The following C2orf80 variants were observed in gnomAD, a reference collection of about 807,000 sequenced individuals.
C2orf80 encodes the protein chromosome 2 open reading frame 80.
A neutral mutation model predicts 30.2 loss-of-function variants in C2orf80; 28 were observed. The observed-to-expected ratio is 0.93, with a 90% CI of 0.69 to 1.27. C2orf80 has a LOEUF of 1.27. Ranked by LOEUF, C2orf80 falls within the 50% of genes most tolerant of loss-of-function variation. C2orf80 has a pLI of 0.00. For missense variants in C2orf80, 220 were observed against 231.0 expected (o/e 0.95, Z 0.31); for synonymous variants, 80 against 76.4 (o/e 1.05, Z -0.24).
chr2:208,176,644 G>A (rs73065236), intron 6 of C2orf80, among the ~76,000 whole-genome samples: 1,869 of 151,888 alleles, frequency 0.012, 42 homozygotes, highest in African/African-American at 0.042. Flanking sequence ...AAACACTAAG[G>A]GCTTCACTGA....
At position 208,190,014 on chromosome 2, in the gene C2orf80, T is replaced by G; in HGVS notation, c.-137A>C. On this transcript the variant is annotated 5_prime_UTR_variant, in exon 1 of 9. It removes an upstream start codon present in the reference 5' UTR. Transcript: ENST00000341287. Reference sequence around the variant, plus strand: ...CTGCTTCTGGAGGCATGCTGAAGCATCCGCGCATCTCAGACTGGTGCTCAC... The same window carrying G: ...CTGCTTCTGGAGGCATGCTGAAGCAGCCGCGCATCTCAGACTGGTGCTCAC... The G allele has an allele frequency of 1.4e-6, 1 of 702,954 alleles. No homozygotes were observed. The highest frequency in any genetic ancestry group is 2.0e-5 in the Admixed American group (1 of 50,002). 43.5% of individuals were successfully genotyped at this position (702,954 alleles called of 1,614,324 possible).
chr2:208,184,902 A>G lies in C2orf80; in HGVS notation c.123+49T>C, dbSNP rs770123460. On this transcript the variant is annotated intron_variant, in intron 3 of 8. Transcript: ENST00000341287. ...AATAAGATCCTTTTTCTGTCTCTTT[A>G]ATACACATATAACACAAATATGACT... 3.5e-6 allele frequency: 5 copies of G among 1,441,030 alleles called. No homozygotes were observed. In the Admixed American group the frequency reaches 5.0e-5, roughly 15 times the overall value. 89.3% of individuals were successfully genotyped at this position (1,441,030 alleles called of 1,614,324 possible). A position where few individuals can be genotyped will look rare whatever the true frequency, so the allele number is the denominator to read the frequency against.
intron 8 of C2orf80, among the ~76,000 whole-genome samples, chr2:208,167,024 A>G (rs925807403): frequency 4.6e-5 from 7 of 152,146 alleles, no homozygotes; most frequent in South Asian, 2.1e-4. Flanking sequence ...GGTAGGTACT[A>G]TTATGACTTT....
intron 4 of C2orf80, among the ~76,000 whole-genome samples, chr2:208,182,004 A>G (rs1043790155): frequency 6.6e-6 from 1 of 152,150 alleles, no homozygotes; most frequent in African/African-American, 2.4e-5. Context: ...TTTTTTGCTT[A>G]AGGCTGTTCA....
intron 2 of C2orf80, among the ~76,000 whole-genome samples, chr2:208,186,707 C>T (rs755133279): frequency 2.0e-5 from 3 of 152,122 alleles, no homozygotes; most frequent in Non-Finnish European, 4.4e-5. Context: ...GTGGATGCCT[C>T]GGATGTGCAG....
chr2:208,182,752 A>G lies in C2orf80; in HGVS notation c.206+213T>C, dbSNP rs116601353. 4.8e-3 allele frequency among the ~76,000 whole-genome samples: 726 copies of G among 152,340 alleles called. 7 individuals carry two copies. The highest frequency in any genetic ancestry group is 0.015 in the African/African-American group (639 of 41,586). ...AAAGTCTTTCATCTCACTGAAGTCAATTAGTATAGAGATGCAAAACATGGA... is the reference window on the plus strand; with the variant it reads ...AAAGTCTTTCATCTCACTGAAGTCAGTTAGTATAGAGATGCAAAACATGGA... On this transcript the variant is annotated intron_variant, in intron 4 of 8. Transcript: ENST00000341287.
At chr2:208,181,776 T>C (rs1486863354) in intron 4 of C2orf80, among the ~76,000 whole-genome samples, 1 of 151,894 alleles carries the variant, frequency 6.6e-6, no homozygotes, top group Non-Finnish European at 1.5e-5. Flanking sequence ...ACAAGCCAGG[T>C]AACAGCCACT....
At chr2:208,166,648 G>C (rs1695901873) in intron 8 of C2orf80, among the ~76,000 whole-genome samples, 1 of 151,908 alleles carries the variant, frequency 6.6e-6, no homozygotes. Context: ...GCTTGCCACT[G>C]TCCTGACACT....
Position 208,180,770 on chromosome 2 carries a change from G to T in C2orf80, c.341C>A (p.Ser114Tyr), listed in dbSNP as rs1013781037. The T allele has an allele frequency of 2.5e-6, 4 of 1,613,500 alleles. No homozygotes were observed. The highest frequency in any genetic ancestry group is 2.7e-5 in the African/African-American group (2 of 74,892). ...EEVFKIYGAD[S>Y]SADSGTIKVP... is the part of the protein sequence containing the mutation. ...CTTGATGGTACCAGAATCGGCAGAAGAATCAGCCCCATAAATTTTAAAGAC... is the reference window on the plus strand; with the variant it reads ...CTTGATGGTACCAGAATCGGCAGAATAATCAGCCCCATAAATTTTAAAGAC... The change falls in exon 6 of 9, where the codon TCT becomes TAT. Residue 114 changes from serine to tyrosine, a missense_variant. Physicochemically the swap from Ser to Tyr is moderately radical, Grantham distance 144. Transcript: ENST00000341287.
chr2:208,189,860 T>A (rs1696824437), intron 1 of C2orf80, 93 bp downstream of exon 1: 1 of 691,100 alleles, frequency 1.4e-6, no homozygotes, highest in Non-Finnish European at 2.6e-6. Context: ...CCATGCAGGT[T>A]CCCTGCTGCA....
intron 8 of C2orf80, among the ~76,000 whole-genome samples, chr2:208,167,607 C>T (rs989116575): frequency 6.6e-6 from 1 of 152,042 alleles, no homozygotes; most frequent in African/African-American, 2.4e-5. Context: ...GACAGAGTCT[C>T]GCTCTGTTGC....
rs200790495 is a variant in C2orf80, at chr2:208,165,620, G to A, written c.*187C>T. The A allele has an allele frequency of 1.8e-6, 1 of 568,906 alleles. No homozygotes were observed. Among genetic ancestry groups the A allele is most frequent in the South Asian group, 3.0e-5 (1 of 33,682 alleles). 35.2% of individuals were successfully genotyped at this position (568,906 alleles called of 1,614,324 possible). On this transcript the variant is annotated 3_prime_UTR_variant, in exon 9 of 9. Transcript: ENST00000341287. Reference sequence around the variant, plus strand: ...ATAAGGTCACAGTTTTTTTTTTTAAGAAAATGTAGCCATGCAATATGCTTC... The same window carrying A: ...ATAAGGTCACAGTTTTTTTTTTTAAAAAAATGTAGCCATGCAATATGCTTC...
intron 6 of C2orf80, among the ~76,000 whole-genome samples, chr2:208,177,007 A>G (rs1559340785): frequency 5.9e-3 from 333 of 56,582 alleles, no homozygotes; most frequent in African/African-American, 0.015. Context: ...ATATATACAT[A>G]TATACAGATA....
At chr2:208,176,937 ATATC>A (rs1400555512) in intron 6 of C2orf80, among the ~76,000 whole-genome samples, 2 of 89,206 alleles carry the variant, frequency 2.2e-5, no homozygotes, top group African/African-American at 9.7e-5. Context: ...ATATGTATAC[ATATC>A]TGTATACATA....
chr2:208,180,916 C>T (rs531659193), intron 5 of C2orf80, 100 bp from the exon 6 acceptor site: 1 of 1,023,480 alleles, frequency 9.8e-7, no homozygotes, highest in East Asian at 2.5e-5. Context: ...TAAAACTGTG[C>T]TTGGGTATCA....
In C2orf80 at chr2:208,181,282, G is replaced by C; in HGVS notation, c.230C>G (p.Pro77Arg). 1 of 1,609,714 alleles carries C rather than the reference G, an allele frequency of 6.2e-7. No homozygotes were observed. The highest frequency in any genetic ancestry group is 8.5e-7 in the Non-Finnish European group (1 of 1,176,230). ...TCGTTCTCTACGATTTGGATATATG[G>C]GTCTGCCATGGAGTGGTATTTTCCT... ...EELKIPLHGR[P>R]IYPNRREREA... is the part of the protein sequence containing the mutation. The change falls in exon 5 of 9, where the codon CCC becomes CGC. Residue 77 changes from proline (P) to arginine (R), a missense_variant. Pro to Arg is a moderately radical substitution (Grantham distance 103). Transcript: ENST00000341287.
At chr2:208,173,904 T>C (rs1022383945) in intron 6 of C2orf80, among the ~76,000 whole-genome samples, 8 of 152,090 alleles carry the variant, frequency 5.3e-5, no homozygotes, top group African/African-American at 1.9e-4. Flanking sequence ...TAAGTGTTCA[T>C]TTGGACACAA....
At position 208,165,820 on chromosome 2, in the gene C2orf80, A is replaced by G. The variant is rs772497025; in HGVS notation, c.574-5T>C. 4.4e-6 allele frequency: 7 copies of G among 1,605,610 alleles called. No homozygotes were observed. In the East Asian group the frequency reaches 1.1e-4, roughly 26 times the overall value. On this transcript the variant is annotated splice_region_variant and splice_polypyrimidine_tract_variant and intron_variant, in intron 8 of 8. Coordinates refer to ENST00000341287, the MANE Select transcript of C2orf80 (RefSeq NM_001099334.3). ...AATTCCAATTTTCTAAGTGACCTGCAGAATAAAAGATGATTTTGGTATCAA... is the reference window on the plus strand; with the variant it reads ...AATTCCAATTTTCTAAGTGACCTGCGGAATAAAAGATGATTTTGGTATCAA...
chr2:208,173,451 CG>C (rs1696172720), intron 6 of C2orf80, among the ~76,000 whole-genome samples: 1 of 151,918 alleles, frequency 6.6e-6, no homozygotes, highest in African/African-American at 2.4e-5. Context: ...TGTGAAAACC[CG>C]TGTCTACTAA....
Sources: gnomAD v4.1 joint callset for allele counts (sites outside exome capture counted in the v4.1 genomes callset) on GRCh38, gnomAD v4.1.1 for gene constraint, MANE v1.5 for transcripts, NCBI Gene and HGNC (gene_info 2026-07-23, HGNC 2026-07-21) for gene names.